Variants in PARD3B observed in about 807,000 individuals in gnomAD.
PARD3B encodes the protein partitioning defective 3 homolog B.
In PARD3B, 103 loss-of-function variants were observed where a neutral mutation model predicts 130.2. The ratio of observed to expected loss-of-function variants is 0.79; its 90% CI spans 0.67 to 0.93. The LOEUF (loss-of-function observed/expected upper bound fraction) is 0.93. Among genes scored for constraint, PARD3B ranks in the 40% least tolerant of loss-of-function variants. PARD3B has a pLI of 0.00. For synonymous variants in PARD3B, 583 were observed against 553.2 expected (o/e 1.05, Z -0.76); for missense variants, 1,609 against 1,499.2 (o/e 1.07, Z -1.21).
intron 4 of PARD3B, among the ~76,000 whole-genome samples, chr2:205,092,872 T>C (rs1212621017): frequency 6.6e-6 from 1 of 152,174 alleles, no homozygotes; most frequent in African/African-American, 2.4e-5. Flanking sequence ...TAAATATTGG[T>C]TTAAATGTAT....
In PARD3B at chr2:204,887,473, G is replaced by C. The variant is rs1056924441; in HGVS notation, c.223-77679G>C. On this transcript the variant is annotated intron_variant, in intron 2 of 22. Coordinates refer to ENST00000406610, the MANE Select transcript of PARD3B (RefSeq NM_001302769.2). This position sits in a 1 kb window ranked among gnomAD's most constrained non-coding sequence, Gnocchi z 4.2. ...TTCGAGATAGCCTGTCTGCATGTTG[G>C]CTAGTTGTAGCAAGTTTTAAAAGCA... Among the ~76,000 whole-genome samples, 2 of 152,142 alleles carry C rather than the reference G, an allele frequency of 1.3e-5. No individual in the cohort carries two copies. The highest frequency in any genetic ancestry group is 4.8e-5 in the African/African-American group (2 of 41,428).
In PARD3B at chr2:204,610,204, A is replaced by G. The variant is rs945529447; in HGVS notation, c.120+64085A>G. Reference sequence around the variant, plus strand: ...AGGTTTCTCTGGAGTCCCCTTGGCCATGAGGGACATCCATTCAGACAGTTG... The same window carrying G: ...AGGTTTCTCTGGAGTCCCCTTGGCCGTGAGGGACATCCATTCAGACAGTTG... On this transcript the variant is annotated intron_variant, in intron 1 of 22. Transcript: ENST00000406610. The surrounding 1 kb of genome is among the most constrained non-coding windows in gnomAD (Gnocchi z 4.1). Among the ~76,000 whole-genome samples the G allele has an allele frequency of 6.6e-6, 1 of 152,186 alleles. No individual in the cohort carries two copies. Among genetic ancestry groups the G allele is most frequent in the African/African-American group, 2.4e-5 (1 of 41,464 alleles).
rs1038659226 is a variant in PARD3B, at chr2:205,466,264, T to C, written c.3044+25592T>C. Among the ~76,000 whole-genome samples, 6 of 152,204 alleles carry C rather than the reference T, an allele frequency of 3.9e-5. No homozygotes were observed. In the East Asian group the frequency reaches 9.6e-4, roughly 24 times the overall value. On this transcript the variant is annotated intron_variant, in intron 20 of 22. Coordinates refer to ENST00000406610, the MANE Select transcript of PARD3B (RefSeq NM_001302769.2). Reference sequence around the variant, plus strand: ...CATGCAGCAAATCTTTTTATAACCTTCCAAAATTTCAGCTGTCATTTCCTC... The same window carrying C: ...CATGCAGCAAATCTTTTTATAACCTCCCAAAATTTCAGCTGTCATTTCCTC...
At chr2:205,040,246 G>T (rs1432434326) in intron 3 of PARD3B, among the ~76,000 whole-genome samples, 1 of 152,216 alleles carries the variant, frequency 6.6e-6, no homozygotes, top group African/African-American at 2.4e-5. Context: ...ATAGGCATAA[G>T]CCACCACGCC....
chr2:205,193,226 A>G lies in PARD3B; in HGVS notation c.2046A>G (p.Val682=), dbSNP rs765062070. The change falls in exon 15 of 23, where the codon GTA becomes GTG. Residue 682 remains valine (V), a synonymous_variant. Coordinates refer to ENST00000406610, the MANE Select transcript of PARD3B (RefSeq NM_001302769.2). ...ACAGCTCTGGGGTGGATTCAGCAGT[A>G]TATTTTCCAGATCAGCACATCAACT... ...YSHSSGVDSA[V]YFPDQHINFR... 1.7e-5 allele frequency: 27 copies of G among 1,611,608 alleles called. No homozygotes were observed. The East Asian group carries it at 3.6e-4, about 21-fold the overall frequency.
intron 11 of PARD3B, among the ~76,000 whole-genome samples, chr2:205,159,639 T>TA (rs2034393430): frequency 6.6e-6 from 1 of 152,178 alleles, no homozygotes; most frequent in South Asian, 2.1e-4. Context: ...TTTCCAGGAT[T>TA]AAATCACACA....
intron 4 of PARD3B, among the ~76,000 whole-genome samples, chr2:205,103,141 T>C (rs1702910726): frequency 7.0e-6 from 1 of 143,654 alleles, no homozygotes; most frequent in Non-Finnish European, 1.5e-5. Context: ...TAAACATATT[T>C]TATATTTATG....
intron 15 of PARD3B, among the ~76,000 whole-genome samples, chr2:205,200,533 A>G (rs997416785): frequency 6.6e-6 from 1 of 152,182 alleles, no homozygotes; most frequent in Non-Finnish European, 1.5e-5. Context: ...TAGCATTCAG[A>G]TGATTTCTCC....
At chr2:204,878,031 A>G (rs138756126) in intron 2 of PARD3B, among the ~76,000 whole-genome samples, 447 of 152,328 alleles carry the variant, frequency 2.9e-3, no homozygotes, top group Middle Eastern at 0.01. Context: ...ATCACTATGT[A>G]TCATAGTTTT....
chr2:205,078,323 A>G lies in PARD3B; in HGVS notation c.505-26103A>G, dbSNP rs1010729001. On this transcript the variant is annotated intron_variant, in intron 4 of 22. Transcript: ENST00000406610. This position sits in a 1 kb window ranked among gnomAD's most constrained non-coding sequence, Gnocchi z 4.0. Reference sequence around the variant, plus strand: ...CAATTTAGTATTGTAGGTTCACTCAATGGCTATCGCAGCATCATTCTTCAT... The same window carrying G: ...CAATTTAGTATTGTAGGTTCACTCAGTGGCTATCGCAGCATCATTCTTCAT... 1.3e-5 allele frequency among the ~76,000 whole-genome samples: 2 copies of G among 152,196 alleles called. No individual in the cohort carries two copies. Among genetic ancestry groups the G allele is most frequent in the African/African-American group, 4.8e-5 (2 of 41,444 alleles).
chr2:205,510,736 T>C (rs1056327439), intron 21 of PARD3B, among the ~76,000 whole-genome samples: 2 of 152,168 alleles, frequency 1.3e-5, no homozygotes, highest in African/African-American at 4.8e-5. Context: ...AGTTAAGCGC[T>C]TAAAATAGGA....
In PARD3B at chr2:205,366,607, A is replaced by G. The variant is rs1248558889; in HGVS notation, c.2631-34406A>G. Among the ~76,000 whole-genome samples, 1 of 152,150 alleles carries G rather than the reference A, an allele frequency of 6.6e-6. No homozygotes were observed. Among genetic ancestry groups the G allele is most frequent in the African/African-American group, 2.4e-5 (1 of 41,438 alleles). ...TTGCAGGGTATTGCTTTATCTTATC[A>G]TGCTACCTGTCAGCATACAGATGAC... On this transcript the variant is annotated intron_variant, in intron 18 of 22. Transcript: ENST00000406610. The surrounding 1 kb of genome is among the most constrained non-coding windows in gnomAD (Gnocchi z 5.0).
intron 19 of PARD3B, among the ~76,000 whole-genome samples, chr2:205,434,518 T>C (rs2047444246): frequency 6.6e-6 from 1 of 152,144 alleles, no homozygotes. Context: ...TTCTACAAAG[T>C]GACATATAAC....
intron 19 of PARD3B, among the ~76,000 whole-genome samples, chr2:205,423,759 T>C (rs1386630171): frequency 1.3e-5 from 2 of 152,026 alleles, no homozygotes; most frequent in Non-Finnish European, 2.9e-5. Context: ...TCTGCAGCCA[T>C]AAAAAAGAAC....
intron 18 of PARD3B, among the ~76,000 whole-genome samples, chr2:205,343,013 G>T (rs1353546062): frequency 6.6e-6 from 1 of 151,976 alleles, no homozygotes; most frequent in Admixed American, 6.6e-5. Flanking sequence ...CCTTTATCTG[G>T]CTTTTCATTA....
chr2:204,565,060 C>T (rs1249620815), intron 1 of PARD3B, among the ~76,000 whole-genome samples: 2 of 152,202 alleles, frequency 1.3e-5, no homozygotes, highest in African/African-American at 4.8e-5. Flanking sequence ...TCCAAGCTAA[C>T]TCAGGTTGCT....
chr2:205,603,282 T>C (rs2054861458), intron 22 of PARD3B, among the ~76,000 whole-genome samples: 1 of 152,180 alleles, frequency 6.6e-6, no homozygotes, highest in African/African-American at 2.4e-5. Flanking sequence ...ATGTGATCAA[T>C]TTTAGAGTAA....
At chr2:205,199,155 A>G (rs2036852726) in intron 15 of PARD3B, among the ~76,000 whole-genome samples, 1 of 152,196 alleles carries the variant, frequency 6.6e-6, no homozygotes, top group Non-Finnish European at 1.5e-5. Flanking sequence ...TTAAGTGCCT[A>G]CTGTGTGCCG....
intron 6 of PARD3B, among the ~76,000 whole-genome samples, chr2:205,115,288 G>A (rs190925617): frequency 1.2e-4 from 18 of 152,242 alleles, no homozygotes; most frequent in African/African-American, 2.9e-4. Context: ...AGTATTGGAC[G>A]TGGTTTCAGA....
Sources: allele counts gnomAD v4.1 joint callset (sites outside exome capture counted in the v4.1 genomes callset), GRCh38; gene constraint gnomAD v4.1.1; non-coding constraint Gnocchi (gnomAD v3.1); transcripts MANE v1.5; gene names NCBI Gene and HGNC (gene_info 2026-07-23, HGNC 2026-07-21).